Variants in SH3RF2 observed in about 807,000 individuals in gnomAD.
SH3RF2 encodes E3 ubiquitin-protein ligase SH3RF2.
In SH3RF2, 43 loss-of-function variants were observed where a neutral mutation model predicts 59.0. The observed-to-expected ratio is 0.73, with a 90% CI of 0.57 to 0.94. The LOEUF (loss-of-function observed/expected upper bound fraction) is 0.94, where lower values mean the gene tolerates loss of function less well. SH3RF2 is among the 40% of genes least tolerant of loss of function. The probability of loss-of-function intolerance (pLI) is 0.00; values close to 1 mark genes in which losing one functional copy is unlikely to be tolerated. For missense variants in SH3RF2, 930 were observed against 940.1 expected (o/e 0.99, Z 0.14); for synonymous variants, 391 against 391.5 (o/e 1.00, Z 0.01).
At chr5:146,041,833 A>C (rs1461960775) in intron 5 of SH3RF2, among the ~76,000 whole-genome samples, 1 of 152,176 alleles carries the variant, frequency 6.6e-6, no homozygotes, top group Non-Finnish European at 1.5e-5. Context: ...CAGGAGGCTG[A>C]GGCGGGAGGA....
At chr5:145,964,221 CTTCT>C (rs368885041) in intron 2 of SH3RF2, among the ~76,000 whole-genome samples, 1,743 of 146,302 alleles carry the variant, frequency 0.012, 38 homozygotes, top group African/African-American at 0.042. Context: ...TCCTCCCTTC[CTTCT>C]TTCTTTTCTT....
At chr5:146,023,347 T>C (rs1057113016) in intron 5 of SH3RF2, among the ~76,000 whole-genome samples, 14 of 152,126 alleles carry the variant, frequency 9.2e-5, no homozygotes, top group African/African-American at 3.4e-4. Context: ...AAGGTGGGAT[T>C]AAAGGCATGC....
intron 5 of SH3RF2, among the ~76,000 whole-genome samples, chr5:146,028,265 A>G (rs910852989): frequency 6.2e-5 from 5 of 81,214 alleles, no homozygotes; most frequent in Admixed American, 1.5e-4. Flanking sequence ...CAGAAGGGCA[A>G]AAGAAAGGGA....
At chr5:145,996,567 C>T (rs1195468081) in intron 2 of SH3RF2, among the ~76,000 whole-genome samples, 1 of 152,084 alleles carries the variant, frequency 6.6e-6, no homozygotes, top group African/African-American at 2.4e-5. Flanking sequence ...GTTTCTTTGT[C>T]TCAGCTGAGC....
chr5:146,018,215 T>C (rs771760937), intron 5 of SH3RF2, among the ~76,000 whole-genome samples: 6 of 152,082 alleles, frequency 3.9e-5, no homozygotes, highest in Non-Finnish European at 7.4e-5. Context: ...CTCCATTGTA[T>C]CCAATAGATA....
In SH3RF2 at chr5:146,000,192, C is replaced by T. The variant is rs188024809; in HGVS notation, c.513C>T (p.Ser171=). The part of the protein sequence containing the change: ...NWYQGEINGI[S]GNFPASSVEV... ...ACCAGGGGGAAATCAATGGCATCAG[C>T]GGGAACTTCCCAGCCAGCTCCGTGG... Residue 171 remains serine (S), a synonymous_variant, in exon 3 of 10, where the codon AGC becomes AGT. Transcript: ENST00000359120. 19 of 1,613,542 alleles carry T rather than the reference C, an allele frequency of 1.2e-5. No individual in the cohort carries two copies. Among genetic ancestry groups the T allele is most frequent in the South Asian group, 2.2e-5 (2 of 90,938 alleles).
intron 7 of SH3RF2, among the ~76,000 whole-genome samples, chr5:146,052,678 C>T (rs1212238536): frequency 1.3e-5 from 2 of 152,146 alleles, no homozygotes; most frequent in Non-Finnish European, 2.9e-5. Flanking sequence ...AGGCTCCCAT[C>T]CCCACTAATC....
At chr5:145,997,961 T>C (rs1760236548) in intron 2 of SH3RF2, 2 of 779,700 alleles carry the variant, frequency 2.6e-6, no homozygotes, top group Admixed American at 1.7e-5. Flanking sequence ...AGTTCATGGA[T>C]CACAGGTGGT....
chr5:145,980,502 G>A (rs1392180296), intron 2 of SH3RF2, among the ~76,000 whole-genome samples: 1 of 152,156 alleles, frequency 6.6e-6, no homozygotes, highest in African/African-American at 2.4e-5. Flanking sequence ...ATCCACAACA[G>A]AAGGATACTT....
intron 4 of SH3RF2, among the ~76,000 whole-genome samples, chr5:146,008,506 T>C (rs1760739858): frequency 6.6e-6 from 1 of 152,204 alleles, no homozygotes; most frequent in South Asian, 2.1e-4. Flanking sequence ...CTGGGGCCTC[T>C]AAGTCATTGT....
At chr5:146,002,658 G>C (rs925997319) in intron 3 of SH3RF2, among the ~76,000 whole-genome samples, 1 of 152,156 alleles carries the variant, frequency 6.6e-6, no homozygotes, top group Admixed American at 6.5e-5. Flanking sequence ...GGTGAGAGGT[G>C]GGCAAGTGAG....
intron 7 of SH3RF2, 107 bp downstream of exon 7, chr5:146,049,352 C>T (rs367606458): frequency 7.6e-7 from 1 of 1,312,168 alleles, no homozygotes; most frequent in Non-Finnish European, 1.0e-6. Context: ...GAAAACAGGC[C>T]AAGAAAGCGC....
intron 5 of SH3RF2, among the ~76,000 whole-genome samples, chr5:146,026,548 G>A (rs181310363): frequency 6.6e-6 from 1 of 152,298 alleles, no homozygotes; most frequent in East Asian, 1.9e-4. Context: ...AATGAATCAT[G>A]GTTATTGTTG....
chr5:145,997,501 C>T, intron 2 of SH3RF2: 3 of 1,597,454 alleles, frequency 1.9e-6, no homozygotes, highest in Middle Eastern at 1.8e-4. Context: ...GGGAAAGATG[C>T]TTATGTCTAT....
At chr5:145,984,221 A>G (rs570570501) in intron 2 of SH3RF2, among the ~76,000 whole-genome samples, 222 of 152,306 alleles carry the variant, frequency 1.5e-3, no homozygotes, top group African/African-American at 5.2e-3. Flanking sequence ...TATAAAGATG[A>G]ATAAGTCATA....
intron 4 of SH3RF2, among the ~76,000 whole-genome samples, chr5:146,005,606 C>G (rs1485009548): frequency 6.6e-6 from 1 of 152,176 alleles, no homozygotes; most frequent in Non-Finnish European, 1.5e-5. Context: ...CTTATTGTCT[C>G]TACTAAACTC....
intron 3 of SH3RF2, among the ~76,000 whole-genome samples, chr5:146,002,120 A>G (rs1004744278): frequency 3.9e-5 from 6 of 152,224 alleles, no homozygotes; most frequent in Admixed American, 3.9e-4. Flanking sequence ...CCCTGCACAC[A>G]TGAAGTTTAT....
chr5:146,034,839 G>T (rs1240644664), intron 5 of SH3RF2, among the ~76,000 whole-genome samples: 1 of 152,170 alleles, frequency 6.6e-6, no homozygotes, highest in East Asian at 1.9e-4. Flanking sequence ...AGGTGCAGTG[G>T]CTCACACCTG....
intron 5 of SH3RF2, among the ~76,000 whole-genome samples, chr5:146,045,588 T>C (rs1202632119): frequency 6.6e-6 from 1 of 152,262 alleles, no homozygotes; most frequent in Non-Finnish European, 1.5e-5. Context: ...TATGTGGTCT[T>C]TTGTGTCTGG....
Sources: gnomAD v4.1 joint callset for allele counts (sites outside exome capture counted in the v4.1 genomes callset) on GRCh38, gnomAD v4.1.1 for gene constraint, MANE v1.5 for transcripts, NCBI Gene and HGNC (gene_info 2026-07-23, HGNC 2026-07-21) for gene names.